OPCML: variants seen among roughly 807,000 people sequenced by gnomAD.
OPCML encodes the protein opioid binding protein/cell adhesion molecule like.
OPCML carries 13 observed loss-of-function variants against 37.8 expected under a neutral mutation model. The ratio of observed to expected loss-of-function variants is 0.34; its 90% CI spans 0.22 to 0.55. OPCML has a LOEUF of 0.55. Among genes scored for constraint, OPCML ranks in the 20% least tolerant of loss-of-function variants. OPCML has a pLI of 0.91. For synonymous variants in OPCML, 176 were observed against 168.8 expected, an observed-to-expected ratio of 1.04 and a Z score of -0.33; for missense variants, 341 against 435.6, an observed-to-expected ratio of 0.78 and a Z score of 1.93.
Position 132,464,727 on chromosome 11 carries a change from A to G in OPCML, c.506-27368T>C, listed in dbSNP as rs143515101. Among the ~76,000 whole-genome samples the G allele has an allele frequency of 9.7e-4, 147 of 152,296 alleles. 1 individual carries two copies. The South Asian group carries it at 0.011, about 12-fold the overall frequency. On this transcript the variant is annotated intron_variant, in intron 4 of 7. Coordinates refer to ENST00000524381, the MANE Select transcript of OPCML (RefSeq NM_001012393.5). ...AAGCCCCTCTATTGATTAACAATAA[A>G]TTAAACATATGACTTGGGATCTGCA...
chr11:133,502,835 G>A (rs537663390), intron 1 of OPCML, among the ~76,000 whole-genome samples: 4 of 152,258 alleles, frequency 2.6e-5, no homozygotes, highest in African/African-American at 9.6e-5. Context: ...CAACACTTGA[G>A]CCCCTCACCT....
chr11:133,328,879 G>C (rs1479084114), intron 1 of OPCML, among the ~76,000 whole-genome samples: 1 of 152,174 alleles, frequency 6.6e-6, no homozygotes, highest in Non-Finnish European at 1.5e-5. Flanking sequence ...ATTAGGAAAA[G>C]AGGAAGTCAA....
intron 3 of OPCML, among the ~76,000 whole-genome samples, chr11:132,561,047 A>G (rs1174124727): frequency 2.0e-5 from 3 of 152,198 alleles, no homozygotes. Context: ...TTGTGGTTCC[A>G]GGCCCTTCTC....
chr11:132,681,631 CGG>C, intron 2 of OPCML, among the ~76,000 whole-genome samples: 1 of 152,182 alleles, frequency 6.6e-6, no homozygotes, highest in South Asian at 2.1e-4. Context: ...TCCGGGATGC[CGG>C]ACAAGAACTC....
chr11:132,867,042 G>A (rs948944177), intron 2 of OPCML, among the ~76,000 whole-genome samples: 5 of 152,168 alleles, frequency 3.3e-5, no homozygotes, highest in Admixed American at 1.3e-4. Flanking sequence ...ACTTGCTGAG[G>A]CCCTTTGTGA....
chr11:132,700,189 CT>C (rs1275060370), intron 2 of OPCML, among the ~76,000 whole-genome samples: 2 of 151,826 alleles, frequency 1.3e-5, no homozygotes, highest in African/African-American at 4.8e-5. Context: ...TTTCAGTCTT[CT>C]CTTTTTTTTC....
intron 2 of OPCML, among the ~76,000 whole-genome samples, chr11:132,748,785 T>C (rs928862594): frequency 6.6e-6 from 1 of 152,090 alleles, no homozygotes; most frequent in Non-Finnish European, 1.5e-5. Context: ...AGAGGATCTG[T>C]GCTGGAGGGG....
chr11:133,421,319 G>A (rs1467599766), intron 1 of OPCML: 1 of 985,270 alleles, frequency 1.0e-6, no homozygotes, highest in African/African-American at 1.7e-5. Flanking sequence ...GCTCAAGAGA[G>A]TGAATTTAAG....
intron 1 of OPCML, among the ~76,000 whole-genome samples, chr11:132,975,555 A>C (rs1290597762): frequency 2.1e-4 from 10 of 48,206 alleles, no homozygotes; most frequent in East Asian, 1.1e-3. Context: ...AAAAAAAAAA[A>C]AAAAAAAAAA....
Position 132,417,405 on chromosome 11 carries a change from C to T in OPCML, c.*2788G>A, listed in dbSNP as rs569774402. ...TGTATTTACTTTGTTGTCTTTACCC[C>T]AGACAGATGAGGATCAACTGTAGCA... is the stretch of plus-strand genomic sequence containing the variant. On this transcript the variant is annotated 3_prime_UTR_variant, in exon 8 of 8. Coordinates refer to ENST00000524381, the MANE Select transcript of OPCML (RefSeq NM_001012393.5). 6.6e-6 allele frequency: 1 copy of T among 152,320 alleles called. No individual in the cohort carries two copies. The highest frequency in any genetic ancestry group is 1.9e-4 in the East Asian group (1 of 5,184). The allele number at this position is 152,320 out of a possible 1,614,324, so 9.4% of individuals were successfully genotyped here. A position where few individuals can be genotyped will look rare whatever the true frequency, so the allele number is the denominator to read the frequency against.
intron 1 of OPCML, chr11:133,007,777 A>T: frequency 1.0e-6 from 1 of 985,466 alleles, no homozygotes; most frequent in Non-Finnish European, 1.2e-6. Flanking sequence ...AGACATTTTG[A>T]ATAGTTAGCA....
At chr11:133,508,856 C>A (rs753739931) in intron 1 of OPCML, among the ~76,000 whole-genome samples, 6 of 152,200 alleles carry the variant, frequency 3.9e-5, no homozygotes. Context: ...ACCTCTTGCT[C>A]GGCTTGCCCC....
chr11:133,175,040 G>A (rs1950347044), intron 1 of OPCML, among the ~76,000 whole-genome samples: 2 of 151,894 alleles, frequency 1.3e-5, no homozygotes, highest in African/African-American at 2.4e-5. Flanking sequence ...AGAGGTTGAG[G>A]CTACAGTAAG....
At chr11:132,709,987 A>G (rs534437053) in intron 2 of OPCML, among the ~76,000 whole-genome samples, 5 of 152,348 alleles carry the variant, frequency 3.3e-5, no homozygotes, top group African/African-American at 7.2e-5. Flanking sequence ...TAAAGAAACA[A>G]ATGTTTAGTG....
chr11:133,412,370 T>C (rs1253769239), intron 1 of OPCML, among the ~76,000 whole-genome samples: 1 of 152,152 alleles, frequency 6.6e-6, no homozygotes, highest in African/African-American at 2.4e-5. Context: ...CTGATGTCTA[T>C]GGGTCAAACC....
intron 2 of OPCML, among the ~76,000 whole-genome samples, chr11:132,777,184 A>G (rs1371533364): frequency 6.6e-6 from 1 of 152,142 alleles, no homozygotes; most frequent in Non-Finnish European, 1.5e-5. Flanking sequence ...ACCAGCAACC[A>G]TGATTATTTG....
intron 1 of OPCML, among the ~76,000 whole-genome samples, chr11:133,271,358 C>T (rs1425316056): frequency 1.3e-5 from 2 of 152,172 alleles, no homozygotes; most frequent in African/African-American, 2.4e-5. Flanking sequence ...CAGTTCTCAC[C>T]AGCTGGATCT....
chr11:132,703,439 G>A (rs1256682174), intron 2 of OPCML, among the ~76,000 whole-genome samples: 1 of 152,122 alleles, frequency 6.6e-6, no homozygotes, highest in Non-Finnish European at 1.5e-5. Flanking sequence ...TTGTGCCTTT[G>A]GTGGCACCAT....
intron 1 of OPCML, among the ~76,000 whole-genome samples, chr11:133,028,524 CGT>C (rs10541354): frequency 0.019 from 2,739 of 146,938 alleles, 30 homozygotes; most frequent in African/African-American, 0.039. Flanking sequence ...TGATAAGGAG[CGT>C]GTGTGTGTGT....
Sources: allele counts gnomAD v4.1 joint callset (sites outside exome capture counted in the v4.1 genomes callset), GRCh38; gene constraint gnomAD v4.1.1; transcripts MANE v1.5; gene names NCBI Gene and HGNC (gene_info 2026-07-23, HGNC 2026-07-21).